DMD: variants seen among roughly 807,000 people sequenced by gnomAD.
The protein encoded by DMD is dystrophin, also known as mutant dystrophin.
Under a neutral mutation model 330.1 loss-of-function variants are expected in DMD, and 63 were observed. That is an observed-to-expected ratio of 0.19 (90% CI 0.16 to 0.24). The LOEUF is 0.24. Among genes scored for constraint, DMD ranks in the 10% least tolerant of loss-of-function variants. The pLI is 1.00. For synonymous variants in DMD, 1,223 were observed against 959.8 expected (o/e 1.27, Z -5.07); for missense variants, 3,344 against 2,684.1 (o/e 1.25, Z -5.43).
chrX:32,849,983 A>T (rs2081004773), intron 2 of DMD, among the ~76,000 whole-genome samples, 163 bp from the exon 3 acceptor site: 1 of 108,324 alleles, frequency 9.2e-6, no homozygotes, highest in South Asian at 3.7e-4. Flanking sequence ...CAAATGACAA[A>T]AAAAATTTAA....
chrX:32,907,951 C>T (rs189266071), intron 2 of DMD, among the ~76,000 whole-genome samples: 5 of 110,963 alleles, frequency 4.5e-5, no homozygotes, highest in African/African-American at 1.6e-4. Context: ...GTGCCCACAG[C>T]TCACAAATCT....
chrX:31,434,826 C>T (rs1272553508), intron 60 of DMD, among the ~76,000 whole-genome samples: 1 of 111,975 alleles, frequency 8.9e-6, no homozygotes, highest in East Asian at 2.8e-4. Context: ...TTCTTGAGAT[C>T]GTGGTCTGAA....
At chrX:32,018,982 T>C (rs1388311245) in intron 44 of DMD, among the ~76,000 whole-genome samples, 2 of 111,756 alleles carry the variant, frequency 1.8e-5, no homozygotes, top group African/African-American at 3.3e-5. Context: ...GGATTGCCTG[T>C]TTTTGCAAGT....
chrX:32,343,038 A>C, intron 40 of DMD, 96 bp downstream of exon 40: 1 of 901,020 alleles, frequency 1.1e-6, no homozygotes, highest in Non-Finnish European at 1.6e-6. Flanking sequence ...AGAGAACGTT[A>C]ATAGAAACAA....
intron 60 of DMD, among the ~76,000 whole-genome samples, chrX:31,382,023 A>C (rs1390860268): frequency 9.0e-6 from 1 of 111,535 alleles, no homozygotes; most frequent in Non-Finnish European, 1.9e-5. Flanking sequence ...GGCCTTTCCC[A>C]CAGGGAAACA....
intron 6 of DMD, among the ~76,000 whole-genome samples, chrX:32,814,481 G>T (rs1232731438): frequency 2.7e-5 from 3 of 111,974 alleles, no homozygotes; most frequent in Non-Finnish European, 5.6e-5. Flanking sequence ...AATCGCTATG[G>T]AACAGAGAGT....
intron 7 of DMD, among the ~76,000 whole-genome samples, chrX:32,747,046 G>T (rs1037354682): frequency 2.7e-5 from 3 of 111,585 alleles, no homozygotes; most frequent in African/African-American, 9.8e-5. Flanking sequence ...TTCTTTTTAT[G>T]GCTGAATAAT....
intron 11 of DMD, among the ~76,000 whole-genome samples, chrX:32,631,725 T>A (rs1327753866): frequency 9.0e-6 from 1 of 111,153 alleles, no homozygotes; most frequent in Non-Finnish European, 1.9e-5. Context: ...CAACTGGATC[T>A]GACAAGAATT....
At chrX:33,106,720 T>C (rs2095290892) in intron 1 of DMD, among the ~76,000 whole-genome samples, 1 of 112,045 alleles carries the variant, frequency 8.9e-6, no homozygotes, top group Admixed American at 9.5e-5. Flanking sequence ...ATTTCACCTA[T>C]TTTCCCCTAT....
chrX:33,073,864 TAA>T (rs1491331908), intron 1 of DMD, among the ~76,000 whole-genome samples: 1 of 108,675 alleles, frequency 9.2e-6, no homozygotes, highest in Non-Finnish European at 1.9e-5. Flanking sequence ...AATAAATAAA[TAA>T]ATAAATAAAC....
intron 44 of DMD, among the ~76,000 whole-genome samples, chrX:32,209,127 C>T (rs1251898152): frequency 9.0e-6 from 1 of 111,532 alleles, no homozygotes; most frequent in African/African-American, 3.3e-5. Context: ...TATGTTCATT[C>T]TAATGGAAAA....
chrX:31,368,976 A>G (rs1342140375), intron 60 of DMD, among the ~76,000 whole-genome samples: 2 of 111,635 alleles, frequency 1.8e-5, no homozygotes, highest in Non-Finnish European at 3.8e-5. Flanking sequence ...GTGATGAGGT[A>G]ACCCCTCACT....
intron 62 of DMD, among the ~76,000 whole-genome samples, chrX:31,268,060 A>C (rs2051319305): frequency 8.9e-6 from 1 of 112,000 alleles, no homozygotes; most frequent in Non-Finnish European, 1.9e-5. Flanking sequence ...CCCTTTTTAA[A>C]ATTTATTTCT....
At chrX:32,343,724 C>G (rs923610378) in intron 39 of DMD, among the ~76,000 whole-genome samples, 4 of 111,702 alleles carry the variant, frequency 3.6e-5, no homozygotes, top group Non-Finnish European at 5.7e-5. Flanking sequence ...ATCAACAAAA[C>G]TTTATGTACT....
intron 49 of DMD, among the ~76,000 whole-genome samples, chrX:31,822,702 ATT>A (rs2092799268): frequency 3.7e-5 from 1 of 27,076 alleles, no homozygotes; most frequent in East Asian, 9.9e-4. Flanking sequence ...GTGTGTGTGT[ATT>A]TTTCTTGCCT....
intron 44 of DMD, among the ~76,000 whole-genome samples, chrX:31,974,350 C>A (rs1248946080): frequency 4.5e-5 from 5 of 110,866 alleles, no homozygotes; most frequent in Non-Finnish European, 9.5e-5. Context: ...GAGATCTGTA[C>A]CCCAAACCTC....
At chrX:32,742,037 A>C (rs971288723) in intron 7 of DMD, among the ~76,000 whole-genome samples, 1 of 111,252 alleles carries the variant, frequency 9.0e-6, no homozygotes. Flanking sequence ...AAATGGTCCA[A>C]CTCTTGACTC....
chrX:32,932,344 A>C (rs1023298235), intron 2 of DMD, among the ~76,000 whole-genome samples: 2 of 112,331 alleles, frequency 1.8e-5, no homozygotes, highest in Non-Finnish European at 3.8e-5. Flanking sequence ...AAGCATATGT[A>C]ATAAAAGTAA....
intron 47 of DMD, among the ~76,000 whole-genome samples, chrX:31,891,715 T>C (rs891140540): frequency 1.8e-5 from 2 of 111,208 alleles, no homozygotes; most frequent in Admixed American, 1.9e-4. Context: ...CAGAGACCTA[T>C]TGGCCTGCAA....
Sources: allele counts gnomAD v4.1 joint callset (sites outside exome capture counted in the v4.1 genomes callset), GRCh38; gene constraint gnomAD v4.1.1; transcripts MANE v1.5; gene names NCBI Gene and HGNC (gene_info 2026-07-23, HGNC 2026-07-21).